The following UEVLD variants were observed in gnomAD, a reference collection of about 807,000 sequenced individuals.
The protein encoded by UEVLD is UEV and lactate/malate dehyrogenase domains, also known as ubiquitin-conjugating enzyme E2 variant 3.
In UEVLD, 47 loss-of-function variants were observed where a neutral mutation model predicts 58.6. The observed-to-expected ratio is 0.80, with a 90% CI of 0.63 to 1.02. The LOEUF (loss-of-function observed/expected upper bound fraction) is 1.02. Ranked by LOEUF, UEVLD falls within the 50% of genes least tolerant of loss-of-function variation. The pLI is 0.00. For synonymous variants in UEVLD, 197 were observed against 195.3 expected (o/e 1.01, Z -0.07); for missense variants, 510 against 550.6 (o/e 0.93, Z 0.74).
At chr11:18,583,410 G>GGTTTCATC (rs1402332723) in intron 1 of UEVLD, among the ~76,000 whole-genome samples, 12 of 151,658 alleles carry the variant, frequency 7.9e-5, no homozygotes, top group Middle Eastern at 3.4e-3. Context: ...GTGGAGATGG[G>GGTTTCATC]GTTTCATCGT....
intron 6 of UEVLD, among the ~76,000 whole-genome samples, chr11:18,560,904 G>A (rs1056925709): frequency 3.9e-5 from 6 of 152,186 alleles, no homozygotes; most frequent in South Asian, 2.1e-4. Context: ...CCAGCTACTC[G>A]GGAGGCTGAG....
chr11:18,577,622 C>A (rs1852984264), intron 2 of UEVLD, among the ~76,000 whole-genome samples: 1 of 152,184 alleles, frequency 6.6e-6, no homozygotes, highest in African/African-American at 2.4e-5. Context: ...GTAATCCCAG[C>A]ACTTTGGGAG....
chr11:18,532,525 C>T (rs1243758509), intron 11 of UEVLD, 38 bp from the exon 12 acceptor site: 2 of 1,482,036 alleles, frequency 1.3e-6, no homozygotes, highest in East Asian at 4.8e-5. Context: ...AGAACTAAAT[C>T]ATTGCAAAGA....
At chr11:18,560,090 TACACACAC>T (rs71050609) in intron 6 of UEVLD, among the ~76,000 whole-genome samples, 1,170 of 76,172 alleles carry the variant, frequency 0.015, 43 homozygotes, top group Non-Finnish European at 0.026. Context: ...ACCCCGTCTC[TACACACAC>T]ACACACACAC....
At chr11:18,570,144 C>G (rs1852518823) in intron 4 of UEVLD, 70 bp downstream of exon 4, 7 of 1,412,566 alleles carry the variant, frequency 5.0e-6, no homozygotes, top group African/African-American at 2.9e-5. Context: ...CTTATTTGTA[C>G]CAGCAGAATC....
At chr11:18,568,076 T>G (rs892401955) in intron 4 of UEVLD, among the ~76,000 whole-genome samples, 1 of 152,130 alleles carries the variant, frequency 6.6e-6, no homozygotes, top group Non-Finnish European at 1.5e-5. Flanking sequence ...GCCCAGGAAT[T>G]TGAGGGTACA....
At chr11:18,546,504 TG>T (rs1400013423) in intron 8 of UEVLD, among the ~76,000 whole-genome samples, 5 of 132,476 alleles carry the variant, frequency 3.8e-5, no homozygotes, top group South Asian at 3.0e-4. Context: ...ATTTTGTTTT[TG>T]TTTTTTTTTT....
chr11:18,583,657 C>CTTTTTTT (rs35384688), intron 1 of UEVLD, among the ~76,000 whole-genome samples: 2 of 117,242 alleles, frequency 1.7e-5, no homozygotes, highest in Non-Finnish European at 1.7e-5. Context: ...TCCAGTATTA[C>CTTTTTTT]TTTTTTTTTT....
At chr11:18,540,001 G>A (rs1410744165) in intron 9 of UEVLD, among the ~76,000 whole-genome samples, 1 of 152,138 alleles carries the variant, frequency 6.6e-6, no homozygotes, top group Non-Finnish European at 1.5e-5. Flanking sequence ...TATTTTACAT[G>A]TTTTTTGCCA....
intron 4 of UEVLD, among the ~76,000 whole-genome samples, chr11:18,567,542 T>C (rs1269430561): frequency 6.6e-6 from 1 of 152,212 alleles, no homozygotes; most frequent in Non-Finnish European, 1.5e-5. Context: ...CAAGAAAATC[T>C]GGAGAGACGG....
At chr11:18,574,691 A>G (rs1852809120) in intron 3 of UEVLD, among the ~76,000 whole-genome samples, 2 of 152,108 alleles carry the variant, frequency 1.3e-5, no homozygotes, top group Non-Finnish European at 1.5e-5. Flanking sequence ...CTGCTAGGTC[A>G]CTCTAAAATG....
intron 7 of UEVLD, among the ~76,000 whole-genome samples, chr11:18,551,644 C>T (rs1851534592): frequency 6.6e-6 from 1 of 152,112 alleles, no homozygotes; most frequent in South Asian, 2.1e-4. Flanking sequence ...ATGAGTTGTC[C>T]CACTTAGACA....
In UEVLD at chr11:18,544,672, C is replaced by A; in HGVS notation, c.1011G>T (p.Gln337His). 6.3e-7 allele frequency: 1 copy of A among 1,593,098 alleles called. No homozygotes were observed. Among genetic ancestry groups the A allele is most frequent in the Non-Finnish European group, 8.5e-7 (1 of 1,173,136 alleles). The change falls in exon 9 of 12, where the codon CAG (glutamine) becomes CAT (histidine). Residue 337 changes from glutamine (Q) to histidine (H), a missense_variant. Physicochemically the swap from Gln to His is conservative, Grantham distance 24. Coordinates refer to ENST00000396197, the MANE Select transcript of UEVLD (RefSeq NM_001040697.4). The stretch of plus-strand genomic sequence containing the variant: ...TAACCCATACTTCTTTGCCTGAAGT[C>A]TGTGCCTTCAAAACATTTGTAATAA... ...QYIITNVLKAQTSGKEVWVIG... is the reference protein window; with the variant it reads ...QYIITNVLKAHTSGKEVWVIG...
chr11:18,575,471 A>G, intron 2 of UEVLD, 59 bp from the exon 3 acceptor site: 1 of 1,534,640 alleles, frequency 6.5e-7, no homozygotes, highest in Non-Finnish European at 8.8e-7. Flanking sequence ...GAACTGTAGT[A>G]AAGTATGTAA....
At position 18,566,453 on chromosome 11, in the gene UEVLD, TTTAA is replaced by T. The variant is rs754223670; in HGVS notation, c.383_386del (p.Ile128LysfsTer3). 1 of 1,614,104 alleles carries T rather than the reference TTTAA, an allele frequency of 6.2e-7. No individual in the cohort carries two copies. The highest frequency in any genetic ancestry group is 1.1e-5 in the South Asian group (1 of 91,088). On this transcript the variant is annotated frameshift_variant, in exon 5 of 12. Coordinates refer to ENST00000396197, the MANE Select transcript of UEVLD (RefSeq NM_001040697.4). LOFTEE classifies it high-confidence loss of function. ...CCTCTTGAAACTTGGCAATCATTTC[TTTAA>T]TTAATCCAACAATGACAGATTTAGG... is the stretch of plus-strand genomic sequence containing the variant.
At position 18,566,405 on chromosome 11, in the gene UEVLD, T is replaced by TG; in HGVS notation, c.434dup (p.Ser146IlefsTer3). ...CTACCTGCCGTGCCTCATCAGATGA[T>TG]GATAGAGAATACATGGGAAGTTCCT... On this transcript the variant is annotated frameshift_variant, in exon 5 of 12. Transcript: ENST00000396197. LOFTEE classifies it high-confidence loss of function. 1 of 1,614,154 alleles carries TG rather than the reference T, an allele frequency of 6.2e-7. No individual in the cohort carries two copies. The highest frequency in any genetic ancestry group is 8.5e-7 in the Non-Finnish European group (1 of 1,180,044).
intron 4 of UEVLD, among the ~76,000 whole-genome samples, chr11:18,567,538 A>C (rs11024716): frequency 0.18 from 27,220 of 152,180 alleles, 2,845 homozygotes; most frequent in East Asian, 0.41. Context: ...AGTACAAGAA[A>C]ATCTGGAGAG....
At chr11:18,565,873 T>C (rs1852267708) in intron 5 of UEVLD, among the ~76,000 whole-genome samples, 1 of 150,354 alleles carries the variant, frequency 6.7e-6, no homozygotes. Context: ...TACCCTGTGA[T>C]AAAGGCAAAG....
At chr11:18,576,827 C>G (rs945399332) in intron 2 of UEVLD, among the ~76,000 whole-genome samples, 2 of 152,160 alleles carry the variant, frequency 1.3e-5, no homozygotes, top group Admixed American at 6.5e-5. Context: ...GGCTTCCCCC[C>G]ACCCACCAAG....
Sources: gnomAD v4.1 joint callset for allele counts (sites outside exome capture counted in the v4.1 genomes callset) on GRCh38, gnomAD v4.1.1 for gene constraint, MANE v1.5 for transcripts, NCBI Gene and HGNC (gene_info 2026-07-23, HGNC 2026-07-21) for gene names.